CEP83: variants seen among roughly 807,000 people sequenced by gnomAD.
CEP83 encodes the protein centrosomal protein 83.
CEP83 carries 70 observed loss-of-function variants against 101.9 expected under a neutral mutation model. The observed-to-expected ratio is 0.69, with a 90% confidence interval of 0.57 to 0.84. The LOEUF is 0.84. Among genes scored for constraint, CEP83 ranks in the 40% least tolerant of loss-of-function variants. The probability of loss-of-function intolerance (pLI) is 0.00; values close to 1 mark genes in which losing one functional copy is unlikely to be tolerated. For missense variants in CEP83, 715 were observed against 787.2 expected, an observed-to-expected ratio of 0.91 and a Z score of 1.10; for synonymous variants, 264 against 267.9, an observed-to-expected ratio of 0.99 and a Z score of 0.14.
intron 1 of CEP83, among the ~76,000 whole-genome samples, chr12:94,456,191 C>T (rs565631572): frequency 2.0e-5 from 3 of 152,274 alleles, no homozygotes; most frequent in South Asian, 4.2e-4. Flanking sequence ...CCAAACTCCC[C>T]AAGCCCACTG....
chr12:94,432,542 T>C (rs753520884), intron 2 of CEP83, among the ~76,000 whole-genome samples: 29 of 151,988 alleles, frequency 1.9e-4, no homozygotes, highest in Non-Finnish European at 3.2e-4. Context: ...TTAAAAAAAG[T>C]TGATCTCATG....
downstream of CEP83, chr12:94,303,833 A>C (rs769765040): frequency 1.2e-6 from 2 of 1,612,016 alleles, no homozygotes; most frequent in Non-Finnish European, 1.7e-6. Context: ...ATTACAAAGC[A>C]ATCAGGGATT....
At chr12:94,342,927 A>G (rs2059748497) in intron 11 of CEP83, among the ~76,000 whole-genome samples, 1 of 152,142 alleles carries the variant, frequency 6.6e-6, no homozygotes, top group Non-Finnish European at 1.5e-5. Flanking sequence ...ATATACAAAG[A>G]GTCACATACA....
chr12:94,433,341 G>A (rs1025687862), intron 2 of CEP83, among the ~76,000 whole-genome samples: 7 of 152,156 alleles, frequency 4.6e-5, no homozygotes, highest in Admixed American at 2.6e-4. Context: ...AAGTAATAAT[G>A]AGGGCCTTAA....
intron 11 of CEP83, among the ~76,000 whole-genome samples, chr12:94,354,606 C>T (rs968003921): frequency 6.6e-6 from 1 of 152,068 alleles, no homozygotes; most frequent in Non-Finnish European, 1.5e-5. Context: ...TTTCTGACAA[C>T]AGCAGTATAA....
chr12:94,289,953 T>G, the CEP83 span, among the ~76,000 whole-genome samples: 11 of 152,238 alleles, frequency 7.2e-5, no homozygotes, highest in African/African-American at 2.4e-4. Context: ...GTCTATGCTA[T>G]CTTAATGCCT....
At chr12:94,385,367 G>GAC (rs1189746516) in intron 6 of CEP83, among the ~76,000 whole-genome samples, 59 of 152,196 alleles carry the variant, frequency 3.9e-4, no homozygotes, top group African/African-American at 1.3e-3. Context: ...CATGACCCAG[G>GAC]ATGTCATGTC....
chr12:94,424,035 A>G, intron 2 of CEP83: 1 of 1,612,516 alleles, frequency 6.2e-7, no homozygotes, highest in East Asian at 2.2e-5. Context: ...TGCATGAGGT[A>G]TGAATGGTGG....
chr12:94,359,751 G>T (rs2060652011), intron 11 of CEP83, among the ~76,000 whole-genome samples: 1 of 151,964 alleles, frequency 6.6e-6, no homozygotes, highest in African/African-American at 2.4e-5. Flanking sequence ...CCAAAAAATT[G>T]AAAGGGAGAG....
rs151271680 is a variant in CEP83 at position 94,311,746 on chromosome 12, C to T, written c.1811+1168G>A. On this transcript the variant is annotated intron_variant, in intron 15 of 16. Coordinates refer to ENST00000397809, the MANE Select transcript of CEP83 (RefSeq NM_016122.3). ...AAAATGACATGGAGAAAAAGGCTAA[C>T]TTTCCAGGCCTTCACAGATCATCAT... Among the ~76,000 whole-genome samples, 3 of 152,324 alleles carry T rather than the reference C, an allele frequency of 2.0e-5. No homozygotes were observed. In the East Asian group the frequency reaches 5.8e-4, roughly 29 times the overall value.
the CEP83 span, among the ~76,000 whole-genome samples, chr12:94,283,291 C>T: frequency 6.6e-6 from 1 of 152,110 alleles, no homozygotes; most frequent in Non-Finnish European, 1.5e-5. Context: ...CCAGACTGGG[C>T]TAGGGTGCAG....
the CEP83 span, among the ~76,000 whole-genome samples, chr12:94,270,136 C>T: frequency 3.3e-5 from 5 of 152,160 alleles, no homozygotes; most frequent in African/African-American, 7.2e-5. Context: ...CAAGTCATGG[C>T]GGAGATAGAA....
chr12:94,446,431 C>T (rs1457176006), intron 1 of CEP83, among the ~76,000 whole-genome samples: 1 of 152,072 alleles, frequency 6.6e-6, no homozygotes, highest in African/African-American at 2.4e-5. Flanking sequence ...AAGTGACGGC[C>T]GGGCGTGGTG....
At chr12:94,359,310 A>G (rs994192462) in intron 11 of CEP83, among the ~76,000 whole-genome samples, 3 of 152,182 alleles carry the variant, frequency 2.0e-5, no homozygotes, top group Non-Finnish European at 2.9e-5. Context: ...GTCTCGGCAA[A>G]AAGGAGACTA....
chr12:94,392,599 CA>C (rs1373179720), intron 6 of CEP83, among the ~76,000 whole-genome samples: 5 of 152,082 alleles, frequency 3.3e-5, no homozygotes, highest in African/African-American at 1.2e-4. Flanking sequence ...CAAGAGCAAA[CA>C]CATTCAAAAG....
At chr12:94,364,584 C>T (rs867720681) in intron 11 of CEP83, among the ~76,000 whole-genome samples, 4 of 151,772 alleles carry the variant, frequency 2.6e-5, no homozygotes, top group African/African-American at 9.7e-5. Flanking sequence ...GAGCCATGAT[C>T]GCTCACTCCA....
intron 2 of CEP83, among the ~76,000 whole-genome samples, chr12:94,420,917 T>C (rs966038106): frequency 1.3e-5 from 2 of 152,104 alleles, no homozygotes; most frequent in African/African-American, 4.8e-5. Context: ...GTCAGGAAAA[T>C]ATTACTTGAT....
At chr12:94,364,774 G>A (rs538467745) in intron 11 of CEP83, among the ~76,000 whole-genome samples, 24 of 152,232 alleles carry the variant, frequency 1.6e-4, no homozygotes, top group African/African-American at 5.8e-4. Flanking sequence ...ATGAATCACT[G>A]GGGCAAAGAC....
At chr12:94,286,939 A>T in the CEP83 span, among the ~76,000 whole-genome samples, 1 of 152,172 alleles carries the variant, frequency 6.6e-6, no homozygotes, top group Non-Finnish European at 1.5e-5. Context: ...CATGGACTAG[A>T]TGCAGCCCCC....
Sources: allele counts gnomAD v4.1 joint callset (sites outside exome capture counted in the v4.1 genomes callset), GRCh38; gene constraint gnomAD v4.1.1; transcripts MANE v1.5; gene names NCBI Gene and HGNC (gene_info 2026-07-23, HGNC 2026-07-21).